The following CHD7 variants were observed in gnomAD, a reference collection of about 807,000 sequenced individuals.
CHD7 encodes the protein chromodomain helicase DNA binding protein 7.
Under a neutral mutation model 307.3 loss-of-function variants are expected in CHD7, and 24 were observed. The ratio of observed to expected loss-of-function variants is 0.08; its 90% CI spans 0.06 to 0.11. The LOEUF (loss-of-function observed/expected upper bound fraction) is 0.11, where lower values mean the gene tolerates loss of function less well. Ranked by LOEUF, CHD7 falls within the 10% of genes least tolerant of loss-of-function variation. CHD7 has a pLI of 1.00. For missense variants in CHD7, 3,106 were observed against 3,727.1 expected (o/e 0.83, Z 4.34); for synonymous variants, 1,363 against 1,349.9 (o/e 1.01, Z -0.21).
chr8:60,740,481 T>C (rs1808938428), intron 1 of CHD7, among the ~76,000 whole-genome samples: 1 of 152,224 alleles, frequency 6.6e-6, no homozygotes, highest in South Asian at 2.1e-4. Flanking sequence ...TCTGTGTCAG[T>C]GCAGACTGGG....
intron 2 of CHD7, among the ~76,000 whole-genome samples, chr8:60,772,849 T>G (rs1273335743): frequency 1.3e-5 from 2 of 152,338 alleles, no homozygotes; most frequent in South Asian, 4.1e-4. Flanking sequence ...ATTTGCTGAT[T>G]TACTGCCATA....
chr8:60,808,021 G>A (rs1448114031), intron 6 of CHD7, among the ~76,000 whole-genome samples, 196 bp from the exon 7 acceptor site: 1 of 152,252 alleles, frequency 6.6e-6, no homozygotes, highest in Non-Finnish European at 1.5e-5. Context: ...GTTGAGCAGA[G>A]GTGCGTGCAT....
At chr8:60,856,968 TGTTTCTCTCAGCAGC>T in intron 34 of CHD7, 80 bp downstream of exon 34, 1 of 1,289,348 alleles carries the variant, frequency 7.8e-7, no homozygotes, top group Non-Finnish European at 1.1e-6. Flanking sequence ...TGCTGGGCTG[TGTTTCTCTCAGCAGC>T]ATTGTATGAA....
chr8:60,850,093 T>G (rs2150803641), intron 25 of CHD7, among the ~76,000 whole-genome samples: 1 of 152,288 alleles, frequency 6.6e-6, no homozygotes, highest in South Asian at 2.1e-4. Flanking sequence ...CCTGCAGGAC[T>G]GATGCTATTC....
At chr8:60,826,311 T>C (rs1586397874) in intron 13 of CHD7, among the ~76,000 whole-genome samples, 1 of 152,346 alleles carries the variant, frequency 6.6e-6, no homozygotes, top group Middle Eastern at 3.4e-3. Context: ...ATTTTTCTAA[T>C]GATGAAGAAT....
In CHD7 at chr8:60,741,352, T is replaced by C. The variant is rs1243588298; in HGVS notation, c.-81T>C. The C allele has an allele frequency of 1.0e-6, 1 of 979,512 alleles. No homozygotes were observed. The highest frequency in any genetic ancestry group is 1.5e-6 in the Non-Finnish European group (1 of 657,298). The allele number at this position is 979,512 out of a possible 1,614,324, so 60.7% of individuals were successfully genotyped here. On this transcript the variant is annotated 5_prime_UTR_variant, in exon 2 of 38. Coordinates refer to ENST00000423902, the MANE Select transcript of CHD7 (RefSeq NM_017780.4). ...AGAAGATTAGTTAAGGATTATAGGC[T>C]TTGAGGGCAAACACCTCAGTGAAGT...
chr8:60,722,473 G>A (rs541905301), intron 1 of CHD7, among the ~76,000 whole-genome samples: 56 of 152,264 alleles, frequency 3.7e-4, no homozygotes, highest in East Asian at 3.1e-3. Flanking sequence ...CCAGTAATAA[G>A]GTTGCAAATC....
chr8:60,798,945 C>G (rs958075614), intron 4 of CHD7, among the ~76,000 whole-genome samples: 1 of 152,086 alleles, frequency 6.6e-6, no homozygotes, highest in Non-Finnish European at 1.5e-5. Context: ...AGTTCAGAAC[C>G]TCTTGTTCTG....
At chr8:60,757,180 A>G (rs936657897) in intron 2 of CHD7, among the ~76,000 whole-genome samples, 1 of 152,170 alleles carries the variant, frequency 6.6e-6, no homozygotes, top group African/African-American at 2.4e-5. Context: ...ATTTTCTGGG[A>G]TGATAGAAGT....
rs2150577900 is a variant in CHD7, at chr8:60,741,750, C to T, written c.318C>T (p.His106=). The T allele has an allele frequency of 1.2e-6, 2 of 1,613,974 alleles. No individual in the cohort carries two copies. Among genetic ancestry groups the T allele is most frequent in the African/African-American group, 1.3e-5 (1 of 75,064 alleles). ...NGLASPHSQY[H]TPPVPQVPHG... is the part of the protein sequence containing the mutation. ...TCGCGTCTCCGCACTCGCAGTATCA[C>T]ACCCCTCCCGTTCCTCAGGTGCCCC... Residue 106 remains histidine, a synonymous_variant, in exon 2 of 38, where the codon CAC becomes CAT. Coordinates refer to ENST00000423902, the MANE Select transcript of CHD7 (RefSeq NM_017780.4).
At chr8:60,719,878 C>CA (rs1554577474) in intron 1 of CHD7, among the ~76,000 whole-genome samples, 2 of 151,852 alleles carry the variant, frequency 1.3e-5, no homozygotes, top group Admixed American at 6.6e-5. Context: ...TTGACAAAGG[C>CA]AAAAAAATCA....
chr8:60,778,575 G>C (rs1347420967), intron 2 of CHD7, among the ~76,000 whole-genome samples: 1 of 152,138 alleles, frequency 6.6e-6, no homozygotes, highest in Non-Finnish European at 1.5e-5. Context: ...TGTTACTGGA[G>C]CAAATGCCAT....
chr8:60,769,813 G>C (rs1810630943), intron 2 of CHD7, among the ~76,000 whole-genome samples: 2 of 152,118 alleles, frequency 1.3e-5, no homozygotes, highest in Admixed American at 1.3e-4. Context: ...GTCCCTATTT[G>C]ACACATCTGT....
At chr8:60,732,980 A>AC (rs1248422442) in intron 1 of CHD7, among the ~76,000 whole-genome samples, 5 of 152,052 alleles carry the variant, frequency 3.3e-5, no homozygotes, top group Non-Finnish European at 7.4e-5. Flanking sequence ...CATACCTGTA[A>AC]CCCCAGCACT....
At position 60,733,820 on chromosome 8, in the gene CHD7, C is replaced by T. The variant is rs114420023; in HGVS notation, c.-174-7439C>T. Among the ~76,000 whole-genome samples, 457 of 152,150 alleles carry T rather than the reference C, an allele frequency of 3.0e-3. 6 individuals carry two copies. The highest frequency in any genetic ancestry group is 0.011 in the African/African-American group (437 of 41,484). ...AAAGGCTACTCAGAATATCCAGAGTCTTCAAAGTTATGTAGAAATAACTGA... is the reference window on the plus strand; with the variant it reads ...AAAGGCTACTCAGAATATCCAGAGTTTTCAAAGTTATGTAGAAATAACTGA... On this transcript the variant is annotated intron_variant, in intron 1 of 37. Coordinates refer to ENST00000423902, the MANE Select transcript of CHD7 (RefSeq NM_017780.4).
chr8:60,816,113 G>GTCTGTCTGTCTCTC lies in CHD7; in HGVS notation c.2499-271_2499-270insGTCTGTCTCTCTCT, dbSNP rs58405811. On this transcript the variant is annotated intron_variant, in intron 7 of 37. Transcript: ENST00000423902. ...GTCTCTTTTGTCTGTCTGTCTGTCTGTCTCTCTCTCTCTCTCTCTCTCTCT... is the reference window on the plus strand; with the variant it reads ...GTCTCTTTTGTCTGTCTGTCTGTCTGTCTGTCTGTCTCTCTCTCTCTCTCTCTCTCTCTCTCTCT... Among the ~76,000 whole-genome samples, 107 of 139,308 alleles carry GTCTGTCTGTCTCTC rather than the reference G, an allele frequency of 7.7e-4. 1 individual carries two copies. The highest frequency in any genetic ancestry group is 2.4e-3 in the African/African-American group (83 of 34,992). The allele number at this position is 139,308 out of a possible 152,430, so 91.4% of individuals were successfully genotyped here. A position where few individuals can be genotyped will look rare whatever the true frequency, so the allele number is the denominator to read the frequency against.
intron 1 of CHD7, among the ~76,000 whole-genome samples, chr8:60,693,356 T>G (rs1806297087): frequency 6.6e-6 from 1 of 152,194 alleles, no homozygotes; most frequent in Non-Finnish European, 1.5e-5. Flanking sequence ...CTGCACCCTT[T>G]AGACCTTGCC....
intron 1 of CHD7, among the ~76,000 whole-genome samples, chr8:60,711,499 T>C (rs753642115): frequency 6.6e-6 from 1 of 152,220 alleles, no homozygotes; most frequent in Non-Finnish European, 1.5e-5. Context: ...TAATAATTAA[T>C]ATTGGTCTCT....
intron 1 of CHD7, among the ~76,000 whole-genome samples, chr8:60,719,185 A>G (rs1193308889): frequency 3.3e-5 from 5 of 152,224 alleles, no homozygotes; most frequent in African/African-American, 9.6e-5. Flanking sequence ...GCATGACACT[A>G]TTTGGATATG....
Sources: allele counts gnomAD v4.1 joint callset (sites outside exome capture counted in the v4.1 genomes callset), GRCh38; gene constraint gnomAD v4.1.1; transcripts MANE v1.5; gene names NCBI Gene and HGNC (gene_info 2026-07-23, HGNC 2026-07-21).